ATP2A2: variants seen among roughly 807,000 people sequenced by gnomAD.
The protein encoded by ATP2A2 is ATPase sarcoplasmic/endoplasmic reticulum Ca2+ transporting 2.
In ATP2A2, 14 loss-of-function variants were observed where a neutral mutation model predicts 109.3. The ratio of observed to expected loss-of-function variants is 0.13; its 90% CI spans 0.08 to 0.20. ATP2A2 has a LOEUF of 0.20. Ranked by LOEUF, ATP2A2 falls within the 10% of genes least tolerant of loss-of-function variation. The pLI is 1.00. For missense variants in ATP2A2, 657 were observed against 1,321.6 expected (o/e 0.50, Z 7.80); for synonymous variants, 506 against 490.9 (o/e 1.03, Z -0.41).
At chr12:110,341,117 T>G (rs759874254) in intron 14 of ATP2A2, 123 bp downstream of exon 14, 6 of 1,076,044 alleles carry the variant, frequency 5.6e-6, no homozygotes, top group Non-Finnish European at 6.9e-6. Context: ...ATTTGGGTCT[T>G]TTCTCTAGAA....
intron 8 of ATP2A2, chr12:110,332,055 A>G: frequency 5.5e-6 from 1 of 181,052 alleles, no homozygotes; most frequent in Non-Finnish European, 1.2e-5. Context: ...CTATTGCCAC[A>G]ATAAAAATAA....
chr12:110,339,479 T>A lies in ATP2A2; in HGVS notation c.1543-24T>A. 1 of 1,613,980 alleles carries A rather than the reference T, an allele frequency of 6.2e-7. No individual in the cohort carries two copies. The highest frequency in any genetic ancestry group is 8.5e-7 in the Non-Finnish European group (1 of 1,179,958). ...GGTGAACCAATAAAACAAAATTGTT[T>A]ATCTAAATCTGTAACATTTCCAGGG... On this transcript the variant is annotated intron_variant, in intron 12 of 19. Transcript: ENST00000539276. This position sits in a 1 kb window ranked among gnomAD's most constrained non-coding sequence, Gnocchi z 4.4.
At chr12:110,285,286 A>C (rs998102599) in intron 3 of ATP2A2, among the ~76,000 whole-genome samples, 2 of 152,230 alleles carry the variant, frequency 1.3e-5, no homozygotes, top group Non-Finnish European at 2.9e-5. Flanking sequence ...TGAAAGAAAT[A>C]AGCTTCATCT....
Position 110,347,331 on chromosome 12 carries a change from C to T in ATP2A2, c.*861C>T, listed in dbSNP as rs563273166. The T allele has an allele frequency of 6.9e-5, 88 of 1,283,536 alleles. No individual in the cohort carries two copies. The highest frequency in any genetic ancestry group is 2.0e-4 in the African/African-American group (13 of 65,816). 79.5% of individuals were successfully genotyped at this position (1,283,536 alleles called of 1,614,324 possible). ...TAAATGGACAGAGAAAAATAACTGT[C>T]TTGTCTTTAACTCGTAAGTGGCTTA... is the stretch of plus-strand genomic sequence containing the variant. On this transcript the variant is annotated 3_prime_UTR_variant, in exon 20 of 20. Coordinates refer to ENST00000539276, the MANE Select transcript of ATP2A2 (RefSeq NM_170665.4).
In ATP2A2 at chr12:110,347,458, G is replaced by A. The variant is rs1333291584; in HGVS notation, c.*988G>A. 7.8e-7 allele frequency: 1 copy of A among 1,289,014 alleles called. No homozygotes were observed. The allele number at this position is 1,289,014 out of a possible 1,614,324, so 79.8% of individuals were successfully genotyped here. ...AGAAGGCTCCTGCTCTGCTGTGTAGGTAGTCATAGGAATTGTATTCTTAAT... is the reference window on the plus strand; with the variant it reads ...AGAAGGCTCCTGCTCTGCTGTGTAGATAGTCATAGGAATTGTATTCTTAAT... On this transcript the variant is annotated 3_prime_UTR_variant, in exon 20 of 20. Transcript: ENST00000539276.
intron 3 of ATP2A2, among the ~76,000 whole-genome samples, chr12:110,283,447 T>C (rs1872353369): frequency 6.6e-6 from 1 of 152,246 alleles, no homozygotes; most frequent in Admixed American, 6.5e-5. Context: ...CTGTGTGTGC[T>C]TACCCACTTG....
Position 110,350,353 on chromosome 12 carries a change from G to T in ATP2A2, c.*3883G>T. ...GAAATGTAAGGGTGTTCGGTTGCGT[G>T]CATGTGCGTTTTTAGCAACACATCT... On this transcript the variant is annotated 3_prime_UTR_variant, in exon 20 of 20. Transcript: ENST00000539276. The T allele has an allele frequency of 6.2e-7, 1 of 1,614,134 alleles. No homozygotes were observed. Among genetic ancestry groups the T allele is most frequent in the Non-Finnish European group, 8.5e-7 (1 of 1,180,016 alleles).
chr12:110,291,942 C>CG lies in ATP2A2; in HGVS notation c.220-76dup, dbSNP rs138682247. On this transcript the variant is annotated intron_variant, in intron 3 of 19. Transcript: ENST00000539276. Reference sequence around the variant, plus strand: ...GATTACAGGCCTGAGCCACCATGCTCGGCCAGTGCTAGCCACTTTTTAAAA... The same window carrying CG: ...GATTACAGGCCTGAGCCACCATGCTCGGGCCAGTGCTAGCCACTTTTTAAAA... The CG allele has an allele frequency of 4.6e-3, 5,990 of 1,292,914 alleles. 224 individuals carry two copies. In the African/African-American group the frequency reaches 0.076, roughly 17 times the overall value. The allele number at this position is 1,292,914 out of a possible 1,614,324, so 80.1% of individuals were successfully genotyped here. A position where few individuals can be genotyped will look rare whatever the true frequency, so the allele number is the denominator to read the frequency against.
At chr12:110,283,387 T>C (rs2137675816) in intron 3 of ATP2A2, among the ~76,000 whole-genome samples, 1 of 152,280 alleles carries the variant, frequency 6.6e-6, no homozygotes, top group South Asian at 2.1e-4. Flanking sequence ...TTTAGTACAG[T>C]TGGTTCTAGA....
rs971207760 is a variant in ATP2A2, at chr12:110,350,707, A to G, written c.*4237A>G. On this transcript the variant is annotated 3_prime_UTR_variant, in exon 20 of 20. Coordinates refer to ENST00000539276, the MANE Select transcript of ATP2A2 (RefSeq NM_170665.4). The stretch of plus-strand genomic sequence containing the variant: ...CATGCCTTCGGTTGTAAGTAGCCAG[A>G]TCCCTCTCCAGTGACATTGGAACAT... 3.9e-6 allele frequency: 1 copy of G among 254,924 alleles called. No homozygotes were observed. The highest frequency in any genetic ancestry group is 2.2e-5 in the African/African-American group (1 of 44,834). 15.8% of individuals were successfully genotyped at this position (254,924 alleles called of 1,614,324 possible). A position where few individuals can be genotyped will look rare whatever the true frequency, so the allele number is the denominator to read the frequency against.
rs181098668 is a variant in ATP2A2 at position 110,286,836 on chromosome 12, G to A, written c.219+4041G>A. 4.7e-3 allele frequency among the ~76,000 whole-genome samples: 717 copies of A among 152,062 alleles called. 5 individuals carry two copies. The highest frequency in any genetic ancestry group is 6.0e-3 in the Non-Finnish European group (408 of 67,992). On this transcript the variant is annotated intron_variant, in intron 3 of 19. Transcript: ENST00000539276. The stretch of plus-strand genomic sequence containing the variant: ...ATCTTTTTAAGCACTTTTTTCTTTC[G>A]TTTTCTTTTTATGATACTAAGAGCT...
At chr12:110,320,456 A>C (rs906760733) in intron 5 of ATP2A2, among the ~76,000 whole-genome samples, 1 of 152,228 alleles carries the variant, frequency 6.6e-6, no homozygotes, top group Non-Finnish European at 1.5e-5. Context: ...TAGGGTCATA[A>C]TATTCATCAT....
At chr12:110,330,975 G>A (rs1039690906) in intron 8 of ATP2A2, 1 of 152,192 alleles carries the variant, frequency 6.6e-6, no homozygotes, top group Non-Finnish European at 1.5e-5. Context: ...TGGGCACAGT[G>A]GTTCACGCCT....
At position 110,349,782 on chromosome 12, in the gene ATP2A2, C is replaced by CAGTT. The variant is rs566667999; in HGVS notation, c.*3315_*3318dup. On this transcript the variant is annotated 3_prime_UTR_variant, in exon 20 of 20. Transcript: ENST00000539276. ...CACCAAATTGTCCAAACACCCGCTGCAGTTAGCAAGAAGGGTAGGCTTCAC... is the reference window on the plus strand; with the variant it reads ...CACCAAATTGTCCAAACACCCGCTGCAGTTAGTTAGCAAGAAGGGTAGGCTTCAC... 294 of 1,017,478 alleles carry CAGTT rather than the reference C, an allele frequency of 2.9e-4. 6 individuals carry two copies. In the South Asian group the frequency reaches 0.01, roughly 35 times the overall value. 63.0% of individuals were successfully genotyped at this position (1,017,478 alleles called of 1,614,324 possible). A position where few individuals can be genotyped will look rare whatever the true frequency, so the allele number is the denominator to read the frequency against.
intron 3 of ATP2A2, among the ~76,000 whole-genome samples, chr12:110,289,596 CTTA>C (rs1873049098): frequency 6.6e-6 from 1 of 152,044 alleles, no homozygotes; most frequent in African/African-American, 2.4e-5. Context: ...ACAGATATTT[CTTA>C]TTCATGCCGT....
intron 3 of ATP2A2, among the ~76,000 whole-genome samples, chr12:110,283,506 A>AG (rs1482268394): frequency 2.0e-5 from 3 of 152,246 alleles, no homozygotes; most frequent in African/African-American, 7.2e-5. Flanking sequence ...GAACTACAGC[A>AG]GAAAAAGGGT....
intron 4 of ATP2A2, chr12:110,296,330 TAC>T (rs1873957204): frequency 5.2e-5 from 23 of 438,200 alleles, no homozygotes; most frequent in Middle Eastern, 6.8e-4. Context: ...AGCTGTGTTT[TAC>T]AGTCTTAGGG....
intron 18 of ATP2A2, 51 bp from the exon 19 acceptor site, chr12:110,345,950 A>G (rs779260458): frequency 6.4e-7 from 1 of 1,565,766 alleles, no homozygotes; most frequent in Non-Finnish European, 8.8e-7. Context: ...TGCCACTGTG[A>G]CACGTGCCTT....
chr12:110,346,528 A>G lies in ATP2A2; in HGVS notation c.*58A>G, dbSNP rs922787671. 3 of 1,603,938 alleles carry G rather than the reference A, an allele frequency of 1.9e-6. No individual in the cohort carries two copies. Among genetic ancestry groups the G allele is most frequent in the African/African-American group, 1.3e-5 (1 of 74,556 alleles). ...TAATCAATTAATTTTTTTATTGTTT[A>G]AAGCAACTGTCTATTTCTGCTGAAT... On this transcript the variant is annotated 3_prime_UTR_variant, in exon 20 of 20. Coordinates refer to ENST00000539276, the MANE Select transcript of ATP2A2 (RefSeq NM_170665.4).
Sources: allele counts gnomAD v4.1 joint callset (sites outside exome capture counted in the v4.1 genomes callset), GRCh38; gene constraint gnomAD v4.1.1; non-coding constraint Gnocchi (gnomAD v3.1); transcripts MANE v1.5; gene names NCBI Gene and HGNC (gene_info 2026-07-23, HGNC 2026-07-21).